Variants in TPD52 observed in about 807,000 individuals in gnomAD.
TPD52 encodes the protein tumor protein D52.
TPD52 carries 17 observed loss-of-function variants against 31.3 expected under a neutral mutation model. The observed-to-expected ratio is 0.54, with a 90% confidence interval of 0.37 to 0.82. The LOEUF (loss-of-function observed/expected upper bound fraction) is 0.82, where lower values mean the gene tolerates loss of function less well. Ranked by LOEUF, TPD52 falls within the 40% of genes least tolerant of loss-of-function variation. TPD52 has a pLI of 0.00. For synonymous variants in TPD52, 83 were observed against 89.6 expected (o/e 0.93, Z 0.42); for missense variants, 212 against 240.1 (o/e 0.88, Z 0.77).
At chr8:80,154,321 C>T (rs1810779068) in intron 1 of TPD52, among the ~76,000 whole-genome samples, 1 of 152,160 alleles carries the variant, frequency 6.6e-6, no homozygotes. Context: ...CAGCCCGCAG[C>T]CTCCCCAAGC....
chr8:80,072,317 ATGTGTGTG>A lies in TPD52; in HGVS notation c.20-7732_20-7725del, dbSNP rs146024001. 4.6e-4 allele frequency among the ~76,000 whole-genome samples: 56 copies of A among 121,312 alleles called. 1 individual carries two copies. The highest frequency in any genetic ancestry group is 3.6e-3 in the Middle Eastern group (1 of 276). 79.6% of individuals were successfully genotyped at this position (121,312 alleles called of 152,430 possible). Reference sequence around the variant, plus strand: ...GAGAGACTCCATCTAAAAAACATATATGTGTGTGTGTGTGTGTGTGTGTGTGTGTGTAT... The same window carrying A: ...GAGAGACTCCATCTAAAAAACATATATGTGTGTGTGTGTGTGTGTGTGTAT... On this transcript the variant is annotated intron_variant, in intron 1 of 7. Coordinates refer to ENST00000518937, the MANE Select transcript of TPD52 (RefSeq NM_001025253.3).
intron 1 of TPD52, among the ~76,000 whole-genome samples, chr8:80,100,048 T>C (rs564803830): frequency 1.3e-5 from 2 of 152,340 alleles, no homozygotes; most frequent in South Asian, 2.1e-4. Context: ...CTTCTCTAAG[T>C]AGTGTTCTAA....
chr8:80,170,925 AC>A (rs1179407974), intron 1 of TPD52: 2 of 305,832 alleles, frequency 6.5e-6, no homozygotes, highest in Non-Finnish European at 1.3e-5. Context: ...TGCCTCCCAA[AC>A]CCCCCATGGG....
At position 80,122,283 on chromosome 8, in the gene TPD52, AG is replaced by A. The variant is rs1286544684; in HGVS notation, c.19+49141del. On this transcript the variant is annotated intron_variant, in intron 1 of 7. Transcript: ENST00000518937. ...TTGGATAAAGGGCAGAATGAGTAAA[AG>A]CAGAGAGCAGAAGCAAGGTGAATGG... Among the ~76,000 whole-genome samples the A allele has an allele frequency of 2.0e-5, 3 of 152,326 alleles. No homozygotes were observed. The East Asian group carries it at 5.8e-4, about 29-fold the overall frequency.
chr8:80,161,929 A>G (rs986257018), intron 1 of TPD52, among the ~76,000 whole-genome samples: 1 of 152,020 alleles, frequency 6.6e-6, no homozygotes, highest in Non-Finnish European at 1.5e-5. Context: ...GGGTTTCGCT[A>G]TGTTGGCCAG....
chr8:80,095,111 G>C (rs944048729), intron 1 of TPD52, among the ~76,000 whole-genome samples: 2 of 152,046 alleles, frequency 1.3e-5, no homozygotes, highest in Middle Eastern at 6.3e-3. Flanking sequence ...CCAAAAACAA[G>C]AAACCACCAA....
At chr8:80,114,553 C>G (rs1174741582) in intron 1 of TPD52, among the ~76,000 whole-genome samples, 1 of 152,114 alleles carries the variant, frequency 6.6e-6, no homozygotes, top group Non-Finnish European at 1.5e-5. Flanking sequence ...CTTTCAATAG[C>G]TCCCCACTAC....
chr8:80,043,770 T>C (rs976312137), intron 6 of TPD52, among the ~76,000 whole-genome samples: 3 of 152,182 alleles, frequency 2.0e-5, no homozygotes, highest in Admixed American at 2.0e-4. Flanking sequence ...TAAATCATAG[T>C]TGGCTCCAAA....
At chr8:80,038,961 CAT>C (rs1810118338) in intron 7 of TPD52, among the ~76,000 whole-genome samples, 1 of 152,214 alleles carries the variant, frequency 6.6e-6, no homozygotes, top group South Asian at 2.1e-4. Flanking sequence ...AACCCTTACA[CAT>C]GTCACTTTAT....
At chr8:80,158,150 T>G (rs1028107019) in intron 1 of TPD52, among the ~76,000 whole-genome samples, 1 of 151,584 alleles carries the variant, frequency 6.6e-6, no homozygotes, top group Non-Finnish European at 1.5e-5. Context: ...AAAACACCCA[T>G]GACTTCTCCA....
At chr8:80,114,456 A>G (rs1247611495) in intron 1 of TPD52, among the ~76,000 whole-genome samples, 1 of 152,106 alleles carries the variant, frequency 6.6e-6, no homozygotes, top group Non-Finnish European at 1.5e-5. Flanking sequence ...GCTCATTGTT[A>G]TACCCCAAAA....
At chr8:80,156,900 G>A (rs556083384) in intron 1 of TPD52, among the ~76,000 whole-genome samples, 11 of 152,172 alleles carry the variant, frequency 7.2e-5, no homozygotes, top group Non-Finnish European at 1.6e-4. Context: ...GGAGTGGGGT[G>A]GGGTGGAGAA....
intron 1 of TPD52, among the ~76,000 whole-genome samples, chr8:80,078,201 T>C (rs1187408951): frequency 6.6e-6 from 1 of 152,370 alleles, no homozygotes; most frequent in South Asian, 2.1e-4. Context: ...ATCCTGCCCA[T>C]AGATAAAATC....
chr8:80,167,790 T>TCCTCGG (rs1811812841), intron 1 of TPD52, among the ~76,000 whole-genome samples: 1 of 152,218 alleles, frequency 6.6e-6, no homozygotes, highest in African/African-American at 2.4e-5. Context: ...CAGGAACCAT[T>TCCTCGG]CCTCTTCCCC....
At chr8:80,069,255 G>C (rs1280402312) in intron 1 of TPD52, among the ~76,000 whole-genome samples, 9 of 152,094 alleles carry the variant, frequency 5.9e-5, no homozygotes, top group Non-Finnish European at 1.0e-4. Flanking sequence ...CTTGAGCCCA[G>C]GAGTTCGAGA....
At chr8:80,168,308 T>C (rs1811850232) in intron 1 of TPD52, among the ~76,000 whole-genome samples, 1 of 152,196 alleles carries the variant, frequency 6.6e-6, no homozygotes, top group African/African-American at 2.4e-5. Flanking sequence ...GAACAGATTT[T>C]TTGATAACTT....
intron 1 of TPD52, among the ~76,000 whole-genome samples, chr8:80,084,369 GTCAA>G (rs1815569141): frequency 6.6e-6 from 1 of 152,214 alleles, no homozygotes; most frequent in Non-Finnish European, 1.5e-5. Flanking sequence ...CCCAGACACT[GTCAA>G]TCAATCAGTG....
chr8:80,060,501 A>G (rs2130641533), intron 2 of TPD52, among the ~76,000 whole-genome samples: 1 of 152,282 alleles, frequency 6.6e-6, no homozygotes, highest in East Asian at 1.9e-4. Context: ...ACACTTTCCA[A>G]CTCATCTAAG....
At chr8:80,157,281 A>AAG (rs1313180053) in intron 1 of TPD52, among the ~76,000 whole-genome samples, 1 of 150,802 alleles carries the variant, frequency 6.6e-6, no homozygotes. Context: ...TAAAAAAAAA[A>AAG]AAGGAAATAA....
Sources: allele counts gnomAD v4.1 joint callset (sites outside exome capture counted in the v4.1 genomes callset), GRCh38; gene constraint gnomAD v4.1.1; transcripts MANE v1.5; gene names NCBI Gene and HGNC (gene_info 2026-07-23, HGNC 2026-07-21).